The following PIAS2 variants were observed in gnomAD, a reference collection of about 807,000 sequenced individuals.
PIAS2 encodes the protein protein inhibitor of activated STAT 2.
PIAS2 carries 19 observed loss-of-function variants against 69.7 expected under a neutral mutation model. The observed-to-expected ratio is 0.27, with a 90% confidence interval of 0.19 to 0.40. The LOEUF is 0.40. Ranked by LOEUF, PIAS2 falls within the 10% of genes least tolerant of loss-of-function variation. PIAS2 has a pLI of 1.00. For synonymous variants in PIAS2, 261 were observed against 263.2 expected, an observed-to-expected ratio of 0.99 and a Z score of 0.08; for missense variants, 624 against 757.0, an observed-to-expected ratio of 0.82 and a Z score of 2.06.
intron 5 of PIAS2, chr18:46,852,862 TCA>T (rs1435525515): frequency 1.3e-5 from 2 of 152,276 alleles, no homozygotes; most frequent in African/African-American, 4.8e-5. Context: ...ACTGGCACAG[TCA>T]CACGATGATA....
chr18:46,898,994 C>CA (rs80167037), intron 1 of PIAS2, among the ~76,000 whole-genome samples: 3,800 of 80,550 alleles, frequency 0.047, 72 homozygotes, highest in East Asian at 0.15. Flanking sequence ...GACTCCATCT[C>CA]AAAAAAAAAA....
At position 46,820,879 on chromosome 18, in the gene PIAS2, TA is replaced by T. The variant is rs372812488; in HGVS notation, c.1648+53del. 155 of 1,533,056 alleles carry T rather than the reference TA, an allele frequency of 1.0e-4. 1 individual carries two copies. The highest frequency in any genetic ancestry group is 3.5e-4 in the African/African-American group (25 of 71,586). 95.0% of individuals were successfully genotyped at this position (1,533,056 alleles called of 1,614,324 possible). On this transcript the variant is annotated intron_variant, in intron 12 of 13. Coordinates refer to ENST00000585916, the MANE Select transcript of PIAS2 (RefSeq NM_004671.5). ...CTATACTGGCTTCACAGATTAAGAT[TA>T]AAAAAAATAAACTTTCATTAAAAAA...
intron 11 of PIAS2, among the ~76,000 whole-genome samples, chr18:46,825,007 T>TA (rs543217727): frequency 0.025 from 3,505 of 138,560 alleles, 124 homozygotes; most frequent in African/African-American, 0.083. Flanking sequence ...CTCAAAAAAT[T>TA]AAAAAAAAAA....
intron 8 of PIAS2, among the ~76,000 whole-genome samples, chr18:46,841,851 A>T (rs1156446283): frequency 6.6e-6 from 1 of 152,196 alleles, no homozygotes; most frequent in African/African-American, 2.4e-5. Context: ...TAATTTTCTT[A>T]AAAATTGGTA....
chr18:46,895,075 G>GA (rs112927638), intron 1 of PIAS2, among the ~76,000 whole-genome samples: 6,669 of 121,524 alleles, frequency 0.055, 180 homozygotes, highest in Non-Finnish European at 0.076. Flanking sequence ...CTCCATCTCG[G>GA]AAAAAAAAAA....
At position 46,812,586 on chromosome 18, in the gene PIAS2, A is replaced by T; in HGVS notation, c.1713T>A (p.Ser571Arg). 6.2e-7 allele frequency: 1 copy of T among 1,613,038 alleles called. No homozygotes were observed. The highest frequency in any genetic ancestry group is 8.5e-7 in the Non-Finnish European group (1 of 1,179,124). ...PQYCPPMFLD[S>R]LTSPLTASST... ...TGCTTGCTGTTAAGGGTGAGGTGAG[A>T]CTATCCAAAAACATAGGAGGACAGT... The change falls in exon 14 of 14, where the codon AGT becomes AGA. Residue 571 changes from serine (S) to arginine (R), a missense_variant. This residue lies in a region of PIAS2 where 241 missense variants were observed against 257.3 expected (regional missense o/e 0.94). Transcript: ENST00000585916.
intron 5 of PIAS2, among the ~76,000 whole-genome samples, chr18:46,848,657 C>T (rs371805454): frequency 1.3e-5 from 2 of 152,026 alleles, no homozygotes; most frequent in South Asian, 2.1e-4. Context: ...TAATCTATAA[C>T]TTGCAACAAA....
chr18:46,844,106 T>A lies in PIAS2; in HGVS notation c.989A>T (p.Asp330Val). 2.0e-6 allele frequency: 3 copies of A among 1,513,052 alleles called. No homozygotes were observed. The highest frequency in any genetic ancestry group is 2.7e-6 in the Non-Finnish European group (3 of 1,129,868). The allele number at this position is 1,513,052 out of a possible 1,614,324, so 93.7% of individuals were successfully genotyped here. A position where few individuals can be genotyped will look rare whatever the true frequency, so the allele number is the denominator to read the frequency against. The change falls in exon 8 of 14, where the codon GAT becomes GTT. Residue 330 changes from aspartate to valine, a missense_variant. Physicochemically the swap from Asp to Val is radical, Grantham distance 152 (BLOSUM62 -3). Around this residue, in one of 3 missense-constraint regions of PIAS2, gnomAD observed 339 missense variants for 408.8 expected, o/e 0.83. Transcript: ENST00000585916. ...RALIKEKLTADPDSEIATTSL... is the reference protein window; with the variant it reads ...RALIKEKLTAVPDSEIATTSL... ...AGTTGTAGCAATTTCACTATCAGGA[T>A]CTGCAGTAAGTTTTTCTTTAACTTT...
intron 11 of PIAS2, among the ~76,000 whole-genome samples, chr18:46,821,890 T>A (rs2042219142): frequency 6.6e-6 from 1 of 152,218 alleles, no homozygotes; most frequent in African/African-American, 2.4e-5. Context: ...TTGAAAAAGT[T>A]CAAGCTTAAA....
At chr18:46,910,217 C>T (rs2146287074) in intron 1 of PIAS2, among the ~76,000 whole-genome samples, 1 of 152,170 alleles carries the variant, frequency 6.6e-6, no homozygotes, top group African/African-American at 2.4e-5. Flanking sequence ...AGTATAAAGA[C>T]AGACCAGGAA....
chr18:46,887,979 C>A (rs2053475487), intron 2 of PIAS2, among the ~76,000 whole-genome samples: 1 of 152,028 alleles, frequency 6.6e-6, no homozygotes, highest in Non-Finnish European at 1.5e-5. Flanking sequence ...AAAGATTTCA[C>A]ACAAAAAACC....
chr18:46,914,521 G>A (rs894110693), intron 1 of PIAS2, among the ~76,000 whole-genome samples: 1 of 151,750 alleles, frequency 6.6e-6, no homozygotes, highest in Non-Finnish European at 1.5e-5. Context: ...ATAGTCAGGC[G>A]ACCCCCTTAA....
chr18:46,836,333 A>T, intron 9 of PIAS2, 24 bp downstream of exon 9: 1 of 1,598,880 alleles, frequency 6.3e-7, no homozygotes, highest in Non-Finnish European at 8.6e-7. Flanking sequence ...AGTCCATATC[A>T]GCTGTTAAAA....
chr18:46,871,945 G>C (rs1466812688), intron 2 of PIAS2, among the ~76,000 whole-genome samples: 1 of 152,132 alleles, frequency 6.6e-6, no homozygotes, highest in Non-Finnish European at 1.5e-5. Context: ...TATTCATCCT[G>C]ATGTATGGGC....
intron 3 of PIAS2, among the ~76,000 whole-genome samples, chr18:46,857,559 A>T (rs555871262): frequency 7.9e-5 from 12 of 152,328 alleles, no homozygotes; most frequent in Admixed American, 5.2e-4. Flanking sequence ...TCCCAGAAAA[A>T]AAGAAAGGAC....
At chr18:46,917,965 C>T (rs978540018), upstream of PIAS2, 1 of 152,178 alleles carries the variant, frequency 6.6e-6, no homozygotes, top group Admixed American at 6.6e-5. Flanking sequence ...GGTTGTGTGA[C>T]ACCTCTTTGA....
intron 2 of PIAS2, among the ~76,000 whole-genome samples, chr18:46,875,594 C>G (rs2051049307): frequency 6.6e-6 from 1 of 152,160 alleles, no homozygotes; most frequent in South Asian, 2.1e-4. Context: ...GGATCCAACA[C>G]TTTCCCCAAA....
At chr18:46,886,210 T>C (rs1417229515) in intron 2 of PIAS2, among the ~76,000 whole-genome samples, 1 of 152,090 alleles carries the variant, frequency 6.6e-6, no homozygotes, top group Non-Finnish European at 1.5e-5. Context: ...CTTAGCCACA[T>C]TCCTGAGGGG....
chr18:46,877,178 A>G (rs965879317), intron 2 of PIAS2, among the ~76,000 whole-genome samples: 3 of 152,182 alleles, frequency 2.0e-5, no homozygotes, highest in Non-Finnish European at 2.9e-5. Context: ...ACCTTTTTCA[A>G]TCTCCCCACC....
Sources: allele counts gnomAD v4.1 joint callset (sites outside exome capture counted in the v4.1 genomes callset), GRCh38; gene constraint gnomAD v4.1.1; regional missense constraint gnomAD v4.1.1; transcripts MANE v1.5; gene names NCBI Gene and HGNC (gene_info 2026-07-23, HGNC 2026-07-21).